FMN1: variants seen among roughly 807,000 people sequenced by gnomAD.
FMN1 encodes formin-1.
FMN1 carries 110 observed loss-of-function variants against 132.4 expected under a neutral mutation model. The ratio of observed to expected loss-of-function variants is 0.83; its 90% CI spans 0.71 to 0.97. The LOEUF (loss-of-function observed/expected upper bound fraction) is 0.97, where lower values mean the gene tolerates loss of function less well. Ranked by LOEUF, FMN1 falls within the 50% of genes least tolerant of loss-of-function variation. The pLI is 0.00. For synonymous variants in FMN1, 722 were observed against 651.7 expected (o/e 1.11, Z -1.64); for missense variants, 1,792 against 1,705.3 (o/e 1.05, Z -0.90).
rs1390608442 is a variant in FMN1 at position 33,123,616 on chromosome 15, A to AG, written c.1867+29431dup. On this transcript the variant is annotated intron_variant, in intron 4 of 20. Coordinates refer to ENST00000616417, the MANE Select transcript of FMN1 (RefSeq NM_001277313.2). ...GTATGGGGGTACAGGTTATATAGTGAGGGTTGTTGATCAAACAGCTAGCTA... is the reference window on the plus strand; with the variant it reads ...GTATGGGGGTACAGGTTATATAGTGAGGGGTTGTTGATCAAACAGCTAGCTA... 9.8e-5 allele frequency among the ~76,000 whole-genome samples: 15 copies of AG among 152,318 alleles called. 1 individual carries two copies. The highest frequency in any genetic ancestry group is 9.8e-4 in the Admixed American group (15 of 15,298).
At chr15:32,894,727 T>G (rs1269760966) in intron 15 of FMN1, among the ~76,000 whole-genome samples, 8 of 151,934 alleles carry the variant, frequency 5.3e-5, no homozygotes, top group Admixed American at 3.3e-4. Context: ...TTTTTTCCTG[T>G]TTACAAAAGT....
intron 5 of FMN1, among the ~76,000 whole-genome samples, chr15:33,072,103 T>TA (rs1371988598): frequency 1.3e-5 from 2 of 152,164 alleles, no homozygotes; most frequent in Non-Finnish European, 1.5e-5. Flanking sequence ...AACAACCTTA[T>TA]ACTGAGGATG....
chr15:32,817,072 T>C (rs540659565), intron 17 of FMN1, among the ~76,000 whole-genome samples: 1 of 152,238 alleles, frequency 6.6e-6, no homozygotes, highest in Non-Finnish European at 1.5e-5. Context: ...TACAGCATCA[T>C]ACCTTGACAA....
At chr15:33,120,734 G>A (rs930253481) in intron 4 of FMN1, among the ~76,000 whole-genome samples, 4 of 151,946 alleles carry the variant, frequency 2.6e-5, no homozygotes, top group African/African-American at 7.3e-5. Flanking sequence ...ATATATATAA[G>A]ATATGGAAAA....
At chr15:32,899,845 T>C (rs555251964) in intron 14 of FMN1, 134 bp downstream of exon 14, 3 of 848,864 alleles carry the variant, frequency 3.5e-6, no homozygotes, top group African/African-American at 1.8e-5. Context: ...AACAAAAAAA[T>C]GCATGCTCTA....
intron 15 of FMN1, among the ~76,000 whole-genome samples, chr15:32,889,243 A>T (rs2059967846): frequency 6.6e-6 from 1 of 152,238 alleles, no homozygotes. Context: ...CTCAGCTGAG[A>T]AACATCTTGA....
At chr15:32,839,513 A>AT (rs1267924004) in intron 17 of FMN1, among the ~76,000 whole-genome samples, 3 of 152,106 alleles carry the variant, frequency 2.0e-5, no homozygotes, top group Non-Finnish European at 4.4e-5. Flanking sequence ...GGCACTTTAC[A>AT]TGTGAAGAGC....
chr15:33,024,210 T>A (rs566713426), intron 6 of FMN1, among the ~76,000 whole-genome samples: 1 of 145,392 alleles, frequency 6.9e-6, no homozygotes, highest in African/African-American at 2.5e-5. Context: ...GAATACTATT[T>A]CACACCTATC....
chr15:33,146,617 G>A (rs1477118072), intron 4 of FMN1, among the ~76,000 whole-genome samples: 1 of 152,152 alleles, frequency 6.6e-6, no homozygotes, highest in Non-Finnish European at 1.5e-5. Context: ...ATGATAGGAG[G>A]CTGAGCTGCC....
At chr15:33,126,162 G>A (rs1963045604) in intron 4 of FMN1, among the ~76,000 whole-genome samples, 1 of 152,118 alleles carries the variant, frequency 6.6e-6, no homozygotes, top group Admixed American at 6.5e-5. Context: ...CCCCGGTCAT[G>A]AGGAGCATAC....
chr15:32,965,170 G>A (rs1271641658), intron 8 of FMN1, among the ~76,000 whole-genome samples: 1 of 152,120 alleles, frequency 6.6e-6, no homozygotes, highest in African/African-American at 2.4e-5. Flanking sequence ...GGCTGAGGTG[G>A]GCAGATCACT....
In FMN1 at chr15:33,059,267, T is replaced by A. The variant is rs568417090; in HGVS notation, c.2161+5690A>T. 1.7e-3 allele frequency among the ~76,000 whole-genome samples: 253 copies of A among 152,276 alleles called. 1 individual carries two copies. Among genetic ancestry groups the A allele is most frequent in the Non-Finnish European group, 3.0e-3 (203 of 68,014 alleles). On this transcript the variant is annotated intron_variant, in intron 6 of 20. Transcript: ENST00000616417. ...TGATTGGTATTCCATTGTATATATA[T>A]AACATAGTTTATTTATCCATTCACC... is the stretch of plus-strand genomic sequence containing the variant.
chr15:33,101,340 C>T (rs1314351891), intron 4 of FMN1, among the ~76,000 whole-genome samples: 1 of 152,126 alleles, frequency 6.6e-6, no homozygotes, highest in African/African-American at 2.4e-5. Context: ...ACTATACTTA[C>T]CTACATAATC....
At chr15:33,084,686 C>T (rs2141341265) in intron 5 of FMN1, among the ~76,000 whole-genome samples, 1 of 152,176 alleles carries the variant, frequency 6.6e-6, no homozygotes, top group East Asian at 1.9e-4. Flanking sequence ...CAGAGTCTTC[C>T]TAGTGCTTGT....
chr15:33,090,938 A>T (rs536545210), intron 4 of FMN1, among the ~76,000 whole-genome samples: 12 of 151,930 alleles, frequency 7.9e-5, no homozygotes, highest in Non-Finnish European at 1.3e-4. Context: ...ATTTCTATTC[A>T]CCTTTGGCAT....
At chr15:33,081,076 C>T (rs1300349538) in intron 5 of FMN1, among the ~76,000 whole-genome samples, 1 of 152,108 alleles carries the variant, frequency 6.6e-6, no homozygotes, top group Non-Finnish European at 1.5e-5. Flanking sequence ...ACTGCCTCAC[C>T]CCCTGCACGG....
chr15:32,780,544 TG>T (rs1403206286), intron 19 of FMN1, among the ~76,000 whole-genome samples: 1 of 152,254 alleles, frequency 6.6e-6, no homozygotes, highest in Non-Finnish European at 1.5e-5. Context: ...CTCTCAAGGC[TG>T]TTCTGCCTAT....
intron 10 of FMN1, among the ~76,000 whole-genome samples, chr15:32,922,630 A>G (rs1372011528): frequency 1.3e-5 from 2 of 152,208 alleles, no homozygotes; most frequent in Non-Finnish European, 2.9e-5. Context: ...CACATGATCT[A>G]TTTGTGGGAG....
At chr15:33,061,441 A>G (rs970676979) in intron 6 of FMN1, among the ~76,000 whole-genome samples, 7 of 152,050 alleles carry the variant, frequency 4.6e-5, no homozygotes, top group Non-Finnish European at 8.8e-5. Flanking sequence ...ATACAAATAT[A>G]TATTTATATG....
Sources: gnomAD v4.1 joint callset for allele counts (sites outside exome capture counted in the v4.1 genomes callset) on GRCh38, gnomAD v4.1.1 for gene constraint, MANE v1.5 for transcripts, NCBI Gene and HGNC (gene_info 2026-07-23, HGNC 2026-07-21) for gene names.